The following TBCA variants were observed in gnomAD, a reference collection of about 807,000 sequenced individuals.
TBCA encodes the protein tubulin-specific chaperone A.
TBCA carries 6 observed loss-of-function variants against 15.8 expected under a neutral mutation model. The observed-to-expected ratio is 0.38, with a 90% CI of 0.21 to 0.75. The LOEUF (loss-of-function observed/expected upper bound fraction) is 0.75. Ranked by LOEUF, TBCA falls within the 30% of genes least tolerant of loss-of-function variation. The pLI is 0.46. For synonymous variants in TBCA, 32 were observed against 42.3 expected, an observed-to-expected ratio of 0.76 and a Z score of 0.94; for missense variants, 90 against 131.2, an observed-to-expected ratio of 0.69 and a Z score of 1.53.
At chr5:77,758,600 C>G (rs1290724892) in intron 1 of TBCA, among the ~76,000 whole-genome samples, 1 of 152,198 alleles carries the variant, frequency 6.6e-6, no homozygotes, top group African/African-American at 2.4e-5. Flanking sequence ...GTTTTGTCCA[C>G]GGCTCGTCCT....
chr5:77,756,529 A>G (rs1160705810), intron 1 of TBCA, among the ~76,000 whole-genome samples: 1 of 152,086 alleles, frequency 6.6e-6, no homozygotes, highest in Non-Finnish European at 1.5e-5. Flanking sequence ...AGACAAGCCA[A>G]TGGAGATTAA....
intron 1 of TBCA, among the ~76,000 whole-genome samples, chr5:77,760,834 G>A (rs1033057906): frequency 2.0e-5 from 3 of 152,174 alleles, no homozygotes; most frequent in Admixed American, 6.5e-5. Flanking sequence ...GCCTCTGCCC[G>A]GCTGCCACCC....
At chr5:77,694,636 G>T (rs1033655970) in intron 2 of TBCA, among the ~76,000 whole-genome samples, 1 of 152,056 alleles carries the variant, frequency 6.6e-6, no homozygotes, top group Non-Finnish European at 1.5e-5. Context: ...AAAAAACAAT[G>T]TTTGGTCAAA....
At chr5:77,775,134 A>C (rs254418) in intron 1 of TBCA, among the ~76,000 whole-genome samples, 3 of 152,044 alleles carry the variant, frequency 2.0e-5, no homozygotes, top group Non-Finnish European at 2.9e-5. Context: ...TGGGACAAAG[A>C]ACAGAACTCA....
intron 3 of TBCA, 133 bp downstream of exon 3, chr5:77,693,133 T>C: frequency 6.6e-7 from 1 of 1,511,742 alleles, no homozygotes. Flanking sequence ...TATTTTAAAA[T>C]ATAGCGGTAT....
intron 1 of TBCA, among the ~76,000 whole-genome samples, chr5:77,771,404 C>G (rs977765552): frequency 6.6e-6 from 1 of 152,200 alleles, no homozygotes; most frequent in Non-Finnish European, 1.5e-5. Flanking sequence ...TTCCTAGTAT[C>G]TAGACTCTTT....
chr5:77,711,149 T>C (rs539846717), intron 1 of TBCA, among the ~76,000 whole-genome samples: 2 of 152,304 alleles, frequency 1.3e-5, no homozygotes, highest in Admixed American at 6.5e-5. Flanking sequence ...TTTTAAAAGA[T>C]TTGTCATACG....
At chr5:77,704,146 T>A (rs1746091039) in intron 2 of TBCA, among the ~76,000 whole-genome samples, 1 of 152,168 alleles carries the variant, frequency 6.6e-6, no homozygotes, top group Non-Finnish European at 1.5e-5. Flanking sequence ...TATATAGCAG[T>A]ATGAAAATGG....
chr5:77,737,318 T>C (rs1325898217), intron 1 of TBCA, among the ~76,000 whole-genome samples: 1 of 152,236 alleles, frequency 6.6e-6, no homozygotes, highest in Non-Finnish European at 1.5e-5. Context: ...AACGAAAGGC[T>C]TGCCTCTCTC....
At chr5:77,733,526 T>C (rs955920213) in intron 1 of TBCA, among the ~76,000 whole-genome samples, 7 of 152,340 alleles carry the variant, frequency 4.6e-5, no homozygotes, top group East Asian at 1.9e-4. Context: ...AGCCACAACA[T>C]TGCCTTAACC....
intron 2 of TBCA, among the ~76,000 whole-genome samples, chr5:77,696,873 C>A (rs769839891): frequency 2.6e-5 from 4 of 152,122 alleles, no homozygotes; most frequent in Non-Finnish European, 4.4e-5. Context: ...GAGCTATGAT[C>A]GTGACAATGT....
At chr5:77,709,429 G>C (rs1746224473) in intron 1 of TBCA, among the ~76,000 whole-genome samples, 2 of 152,066 alleles carry the variant, frequency 1.3e-5, no homozygotes, top group African/African-American at 4.8e-5. Context: ...TAAAAGTATA[G>C]TCTAAGAAAA....
At chr5:77,739,031 T>C (rs951928323) in intron 1 of TBCA, among the ~76,000 whole-genome samples, 2 of 152,202 alleles carry the variant, frequency 1.3e-5, no homozygotes, top group African/African-American at 4.8e-5. Context: ...GAATTAGAAA[T>C]ATCACAGTGC....
chr5:77,753,454 C>T (rs1167647553), intron 1 of TBCA, among the ~76,000 whole-genome samples: 2 of 152,164 alleles, frequency 1.3e-5, no homozygotes, highest in Admixed American at 1.3e-4. Context: ...CATTCCCTCC[C>T]TTACTTTAAA....
intron 1 of TBCA, among the ~76,000 whole-genome samples, chr5:77,765,180 C>T (rs896361544): frequency 7.2e-5 from 11 of 152,294 alleles, no homozygotes; most frequent in East Asian, 3.9e-4. Flanking sequence ...TCTGCTTCTA[C>T]ATTCAATCTG....
At chr5:77,730,899 A>AT (rs1374573400) in intron 1 of TBCA, among the ~76,000 whole-genome samples, 2 of 152,292 alleles carry the variant, frequency 1.3e-5, no homozygotes, top group East Asian at 3.9e-4. Context: ...TCCATCTGAG[A>AT]TTTTTAATAA....
intron 1 of TBCA, among the ~76,000 whole-genome samples, chr5:77,757,884 T>C (rs913682344): frequency 1.3e-5 from 2 of 152,134 alleles, no homozygotes; most frequent in African/African-American, 2.4e-5. Context: ...GGGTAGAAGG[T>C]ATCTGAGTCT....
intron 3 of TBCA, chr5:77,691,859 C>T: frequency 1.0e-6 from 1 of 1,004,850 alleles, no homozygotes; most frequent in Non-Finnish European, 1.2e-6. Context: ...GATTTACTAA[C>T]ATGTTACATA....
At chr5:77,741,967 T>G (rs894181829) in intron 1 of TBCA, among the ~76,000 whole-genome samples, 6 of 152,226 alleles carry the variant, frequency 3.9e-5, no homozygotes, top group African/African-American at 1.4e-4. Flanking sequence ...GTTCAAAGCA[T>G]GATCCTTGAT....
Sources: gnomAD v4.1 joint callset for allele counts (sites outside exome capture counted in the v4.1 genomes callset) on GRCh38, gnomAD v4.1.1 for gene constraint, MANE v1.5 for transcripts, NCBI Gene and HGNC (gene_info 2026-07-23, HGNC 2026-07-21) for gene names.